The following ANKS1B variants were observed in gnomAD, a reference collection of about 807,000 sequenced individuals.
ANKS1B encodes ankyrin repeat and sterile alpha motif domain-containing protein 1B.
A neutral mutation model predicts 148.3 loss-of-function variants in ANKS1B; 36 were observed. The observed-to-expected ratio is 0.24, with a 90% CI of 0.19 to 0.32. The LOEUF (loss-of-function observed/expected upper bound fraction) is 0.32, where lower values mean the gene tolerates loss of function less well. Ranked by LOEUF, ANKS1B falls within the 10% of genes least tolerant of loss-of-function variation. ANKS1B has a pLI of 1.00. For synonymous variants in ANKS1B, 542 were observed against 560.8 expected (o/e 0.97, Z 0.47); for missense variants, 1,157 against 1,542.6 (o/e 0.75, Z 4.19).
At chr12:98,986,450 A>G (rs2099923435) in intron 17 of ANKS1B, among the ~76,000 whole-genome samples, 1 of 152,010 alleles carries the variant, frequency 6.6e-6, no homozygotes, top group South Asian at 2.1e-4. Flanking sequence ...GTCCTCTGAC[A>G]TATTCTTCTT....
intron 12 of ANKS1B, among the ~76,000 whole-genome samples, chr12:99,311,471 A>G (rs1441830429): frequency 6.6e-6 from 1 of 152,192 alleles, no homozygotes; most frequent in Non-Finnish European, 1.5e-5. Context: ...GCTTCATAAA[A>G]ACCTTCTGGG....
At chr12:99,554,195 A>G (rs1596955267) in intron 9 of ANKS1B, among the ~76,000 whole-genome samples, 1 of 152,316 alleles carries the variant, frequency 6.6e-6, no homozygotes, top group East Asian at 1.9e-4. Flanking sequence ...TGCATGGATA[A>G]CATCAAGAAA....
At chr12:99,337,306 T>C (rs935824454) in intron 12 of ANKS1B, among the ~76,000 whole-genome samples, 1 of 152,052 alleles carries the variant, frequency 6.6e-6, no homozygotes, top group African/African-American at 2.4e-5. Context: ...CTTTGGTATG[T>C]CAACTGAATT....
At chr12:99,596,913 G>C (rs1433657145) in intron 9 of ANKS1B, among the ~76,000 whole-genome samples, 2 of 151,848 alleles carry the variant, frequency 1.3e-5, no homozygotes, top group Non-Finnish European at 2.9e-5. Context: ...ATACTGATGA[G>C]CAAAAAATGA....
Position 99,664,942 on chromosome 12 carries a change from A to C in ANKS1B, c.1129-9732T>G, listed in dbSNP as rs543185052. ...TTTTGAGATTCATTCCTACTTTTGC[A>C]TATCAGTAGTTTATTCCTTTTTAAT... On this transcript the variant is annotated intron_variant, in intron 8 of 26. Transcript: ENST00000683438. 3.9e-5 allele frequency among the ~76,000 whole-genome samples: 6 copies of C among 152,322 alleles called. No homozygotes were observed. In the South Asian group the frequency reaches 1.2e-3, roughly 32 times the overall value.
At chr12:98,908,087 C>T (rs1443238243) in intron 17 of ANKS1B, among the ~76,000 whole-genome samples, 7 of 152,118 alleles carry the variant, frequency 4.6e-5, no homozygotes, top group Admixed American at 3.3e-4. Flanking sequence ...GTCTTTCACC[C>T]ATCTCTGACT....
At chr12:99,718,422 G>A (rs1413548422) in intron 8 of ANKS1B, among the ~76,000 whole-genome samples, 1 of 151,972 alleles carries the variant, frequency 6.6e-6, no homozygotes, top group African/African-American at 2.4e-5. Flanking sequence ...CCTCCTTGGC[G>A]ACTGATCATG....
At chr12:99,120,994 C>T (rs1031878447) in intron 15 of ANKS1B, among the ~76,000 whole-genome samples, 1 of 152,008 alleles carries the variant, frequency 6.6e-6, no homozygotes, top group African/African-American at 2.4e-5. Flanking sequence ...TGATGACTAA[C>T]CTAATTTGAG....
chr12:99,763,147 T>A (rs979635893), intron 8 of ANKS1B, among the ~76,000 whole-genome samples: 1 of 152,286 alleles, frequency 6.6e-6, no homozygotes, highest in Non-Finnish European at 1.5e-5. Context: ...ACTGGGTGTA[T>A]GACCACAGGA....
At chr12:98,897,149 G>C (rs1465403154) in intron 17 of ANKS1B, among the ~76,000 whole-genome samples, 1 of 152,152 alleles carries the variant, frequency 6.6e-6, no homozygotes, top group Non-Finnish European at 1.5e-5. Flanking sequence ...TCTTGGGAGA[G>C]CTGGGAGGGG....
At chr12:99,223,889 G>A (rs2085487085) in intron 14 of ANKS1B, among the ~76,000 whole-genome samples, 1 of 152,196 alleles carries the variant, frequency 6.6e-6, no homozygotes, top group Admixed American at 6.5e-5. Context: ...ATAGCCAAGT[G>A]TGCTGTATTT....
At chr12:99,969,701 T>C (rs1221051629) in intron 1 of ANKS1B, among the ~76,000 whole-genome samples, 1 of 152,246 alleles carries the variant, frequency 6.6e-6, no homozygotes, top group Non-Finnish European at 1.5e-5. Context: ...GTAGAAAATG[T>C]ACTTTCCATT....
intron 12 of ANKS1B, among the ~76,000 whole-genome samples, chr12:99,360,780 T>C (rs145348814): frequency 7.9e-5 from 12 of 152,282 alleles, no homozygotes; most frequent in South Asian, 2.1e-4. Context: ...GGGCAAGAAA[T>C]AAATCTTTGT....
chr12:99,885,319 T>C (rs1156981837), intron 1 of ANKS1B, among the ~76,000 whole-genome samples: 1 of 150,674 alleles, frequency 6.6e-6, no homozygotes, highest in African/African-American at 2.4e-5. Flanking sequence ...CCTTTTTTTT[T>C]TTTTTTTTTG....
At chr12:99,216,730 A>C (rs1303703347) in intron 14 of ANKS1B, among the ~76,000 whole-genome samples, 1 of 152,228 alleles carries the variant, frequency 6.6e-6, no homozygotes, top group Non-Finnish European at 1.5e-5. Context: ...AAGAAGGCAT[A>C]GTTTGATACA....
intron 1 of ANKS1B, among the ~76,000 whole-genome samples, chr12:99,831,804 C>T (rs183252446): frequency 2.0e-5 from 3 of 152,024 alleles, no homozygotes; most frequent in Admixed American, 2.0e-4. Flanking sequence ...GGACGCAATT[C>T]TTCTTAGTTT....
chr12:99,443,646 GAAA>G, intron 11 of ANKS1B, 24 bp downstream of exon 11: 5 of 1,609,462 alleles, frequency 3.1e-6, no homozygotes, highest in Non-Finnish European at 4.2e-6. Context: ...ACATTAGAGG[GAAA>G]ATGATGCCAT....
At chr12:99,224,516 CTT>C (rs989417530) in intron 14 of ANKS1B, among the ~76,000 whole-genome samples, 5 of 152,138 alleles carry the variant, frequency 3.3e-5, no homozygotes, top group African/African-American at 4.8e-5. Context: ...TTCTCTCTCT[CTT>C]GGTCCTGGTC....
rs1318898691 is a variant in ANKS1B at position 99,268,147 on chromosome 12, C to T, written c.1757-21283G>A. Among the ~76,000 whole-genome samples, 4 of 152,132 alleles carry T rather than the reference C, an allele frequency of 2.6e-5. No homozygotes were observed. In the East Asian group the frequency reaches 7.7e-4, roughly 29 times the overall value. On this transcript the variant is annotated intron_variant, in intron 12 of 26. Coordinates refer to ENST00000683438, the MANE Select transcript of ANKS1B (RefSeq NM_001352186.2). ...AATAGATACAGGACTATCAAGAGAA[C>T]TCAACTCGTTTTTGAAAGCCATCTA...
Sources: allele counts gnomAD v4.1 joint callset (sites outside exome capture counted in the v4.1 genomes callset), GRCh38; gene constraint gnomAD v4.1.1; transcripts MANE v1.5; gene names NCBI Gene and HGNC (gene_info 2026-07-23, HGNC 2026-07-21).